The following ZNF555 variants were observed in gnomAD, a reference collection of about 807,000 sequenced individuals.
ZNF555 encodes the protein zinc finger protein 555.
In ZNF555, 10 loss-of-function variants were observed where a neutral mutation model predicts 14.0. The observed-to-expected ratio is 0.72, with a 90% CI of 0.44 to 1.21. ZNF555 has a LOEUF of 1.21. ZNF555 is among the 50% of genes most tolerant of loss of function. The probability of loss-of-function intolerance (pLI) is 0.00; values close to 1 mark genes in which losing one functional copy is unlikely to be tolerated. For missense variants in ZNF555, 747 were observed against 762.0 expected (o/e 0.98, Z 0.23); for synonymous variants, 277 against 262.4 (o/e 1.06, Z -0.54).
In ZNF555 at chr19:2,853,406, T is replaced by A. The variant is rs751145278; in HGVS notation, c.1341T>A (p.Thr447=). 1 of 1,613,976 alleles carries A rather than the reference T, an allele frequency of 6.2e-7. No homozygotes were observed. Among genetic ancestry groups the A allele is most frequent in the African/African-American group, 1.3e-5 (1 of 74,902 alleles). Residue 447 remains threonine (T), a synonymous_variant, in exon 4 of 4, where the codon ACT becomes ACA. Coordinates refer to ENST00000334241, the MANE Select transcript of ZNF555 (RefSeq NM_152791.5). ...ISLRKHMRTH[T]REKPYECKQC... is the part of the protein sequence containing the mutation. Reference sequence around the variant, plus strand: ...TACGAAAACATATGAGAACACATACTAGAGAGAAACCCTATGAATGTAAGC... The same window carrying A: ...TACGAAAACATATGAGAACACATACAAGAGAGAAACCCTATGAATGTAAGC...
rs555073128 is a variant in ZNF555, at chr19:2,853,852, T to C, written c.1787T>C (p.Val596Ala). 6.2e-7 allele frequency: 1 copy of C among 1,614,078 alleles called. No homozygotes were observed. The highest frequency in any genetic ancestry group is 1.3e-5 in the African/African-American group (1 of 75,048). The change falls in exon 4 of 4, where the codon GTA becomes GCA. Residue 596 changes from valine to alanine, a missense_variant. By Grantham distance (64) the Val-to-Ala change is moderately conservative (BLOSUM62 0). Coordinates refer to ENST00000334241, the MANE Select transcript of ZNF555 (RefSeq NM_152791.5). ...HTTEKQYKCN[V>A]GHPPANEFMC... ...ACAGAAAAACAGTATAAGTGTAATG[T>C]AGGACATCCTCCTGCAAATGAATTC... is the stretch of plus-strand genomic sequence containing the variant.
At chr19:2,845,239 G>A (rs1391150900) in intron 1 of ZNF555, among the ~76,000 whole-genome samples, 2 of 152,196 alleles carry the variant, frequency 1.3e-5, no homozygotes, top group East Asian at 1.9e-4. Context: ...GTTTCTGCAT[G>A]AGTTTGCTGA....
intron 1 of ZNF555, among the ~76,000 whole-genome samples, chr19:2,850,212 G>A (rs758617131): frequency 9.2e-5 from 14 of 152,168 alleles, no homozygotes; most frequent in South Asian, 2.1e-4. Flanking sequence ...GTGTAGTGCC[G>A]AATGATGGTG....
chr19:2,850,442 C>T, intron 1 of ZNF555, 145 bp from the exon 2 acceptor site: 1 of 1,127,682 alleles, frequency 8.9e-7, no homozygotes, highest in Non-Finnish European at 1.3e-6. Flanking sequence ...TGAGTGTAGA[C>T]AGGAAGGAAG....
chr19:2,850,853 A>C (rs2087623436), intron 2 of ZNF555, 140 bp downstream of exon 2: 1 of 1,048,636 alleles, frequency 9.5e-7, no homozygotes, highest in Admixed American at 2.7e-5. Context: ...GCTGTCATAG[A>C]GCTAGAATGT....
In ZNF555 at chr19:2,854,083, G is replaced by A. The variant is rs764168931; in HGVS notation, c.*131G>A. The A allele has an allele frequency of 8.1e-5, 92 of 1,140,248 alleles. No homozygotes were observed. The highest frequency in any genetic ancestry group is 2.7e-4 in the South Asian group (17 of 62,610). The allele number at this position is 1,140,248 out of a possible 1,614,324, so 70.6% of individuals were successfully genotyped here. On this transcript the variant is annotated 3_prime_UTR_variant, in exon 4 of 4. Coordinates refer to ENST00000334241, the MANE Select transcript of ZNF555 (RefSeq NM_152791.5). The stretch of plus-strand genomic sequence containing the variant: ...TGAATTTGAACAGGTAGTTTCTTAC[G>A]ATTCAGTAAATAAAACTTTCATCTT...
In ZNF555 at chr19:2,859,259, CAT is replaced by C. The variant is rs2087711173; in HGVS notation, c.*5308_*5309del. On this transcript the variant is annotated 3_prime_UTR_variant, in exon 4 of 4. Coordinates refer to ENST00000334241, the MANE Select transcript of ZNF555 (RefSeq NM_152791.5). ...GCGGGGCGACTCTAGGAAGTGGAGA[CAT>C]CAAGAGTGGTACTGGAAGTGGCGGA... 1 of 152,278 alleles carries C rather than the reference CAT, an allele frequency of 6.6e-6. No individual in the cohort carries two copies. Among genetic ancestry groups the C allele is most frequent in the Non-Finnish European group, 1.5e-5 (1 of 68,100 alleles). 9.4% of individuals were successfully genotyped at this position (152,278 alleles called of 1,614,324 possible).
chr19:2,843,193 G>A (rs1347668215), intron 1 of ZNF555, among the ~76,000 whole-genome samples: 3 of 151,912 alleles, frequency 2.0e-5, no homozygotes, highest in African/African-American at 7.3e-5. Context: ...ATTTTTTTGG[G>A]AGCTCTGTTG....
rs776657571 is a variant in ZNF555, at chr19:2,853,130, T to G, written c.1065T>G (p.Phe355Leu). 6.2e-7 allele frequency: 1 copy of G among 1,613,676 alleles called. No homozygotes were observed. The highest frequency in any genetic ancestry group is 1.1e-5 in the South Asian group (1 of 91,046). Reference sequence around the variant, plus strand: ...AAACCTTCATTTATCTCCAGTCCTTTCGAAGACATGAAAGGATTCACACTG... The same window carrying G: ...AAACCTTCATTTATCTCCAGTCCTTGCGAAGACATGAAAGGATTCACACTG... ...CGKTFIYLQS[F>L]RRHERIHTGE... The change falls in exon 4 of 4, where the codon TTT becomes TTG. Residue 355 changes from phenylalanine (F) to leucine (L), a missense_variant. By Grantham distance (22) the Phe-to-Leu change is conservative. Transcript: ENST00000334241.
rs2087683412 is a variant in ZNF555, at chr19:2,856,360, A to G, written c.*2408A>G. ...GTTGGGATTACAGGCATGCACCACC[A>G]CACCCAGCTAATTTTTTTATTTTTG... On this transcript the variant is annotated 3_prime_UTR_variant, in exon 4 of 4. Transcript: ENST00000334241. 6.6e-6 allele frequency: 1 copy of G among 151,982 alleles called. No individual in the cohort carries two copies. Among genetic ancestry groups the G allele is most frequent in the South Asian group, 2.1e-4 (1 of 4,816 alleles). The allele number at this position is 151,982 out of a possible 1,614,324, so 9.4% of individuals were successfully genotyped here. A position where few individuals can be genotyped will look rare whatever the true frequency, so the allele number is the denominator to read the frequency against.
Position 2,853,888 on chromosome 19 carries a change from C to T in ZNF555, c.1823C>T (p.Ala608Val), listed in dbSNP as rs1213241180. Residue 608 changes from alanine to valine, a missense_variant, in exon 4 of 4, where the codon GCT becomes GTT. Physicochemically the swap from Ala to Val is moderately conservative, Grantham distance 64 (BLOSUM62 0). Coordinates refer to ENST00000334241, the MANE Select transcript of ZNF555 (RefSeq NM_152791.5). ...HPPANEFMCS[A>V]SEKSHQERDL... is the part of the protein sequence containing the mutation. ...CCTGCAAATGAATTCATGTGCAGTG[C>T]TTCAGAAAAGTCACACCAGGAGAGA... 2 of 1,614,002 alleles carry T rather than the reference C, an allele frequency of 1.2e-6. No individual in the cohort carries two copies. Among genetic ancestry groups the T allele is most frequent in the Admixed American group, 3.3e-5 (2 of 60,016 alleles).
Position 2,853,170 on chromosome 19 carries a change from G to C in ZNF555, c.1105G>C (p.Glu369Gln). 1 of 1,613,898 alleles carries C rather than the reference G, an allele frequency of 6.2e-7. No homozygotes were observed. The highest frequency in any genetic ancestry group is 2.2e-5 in the East Asian group (1 of 44,854). The change falls in exon 4 of 4, where the codon GAA (glutamate) becomes CAA (glutamine). Residue 369 changes from glutamate to glutamine, a missense_variant. Coordinates refer to ENST00000334241, the MANE Select transcript of ZNF555 (RefSeq NM_152791.5). Reference protein sequence around the residue: ...ERIHTGEKPYECKQCGKTFIY... With the variant: ...ERIHTGEKPYQCKQCGKTFIY... ...GATTCACACTGGAGAGAAACCCTACGAATGCAAACAGTGTGGGAAGACCTT... is the reference window on the plus strand; with the variant it reads ...GATTCACACTGGAGAGAAACCCTACCAATGCAAACAGTGTGGGAAGACCTT...
chr19:2,850,548 T>C, intron 1 of ZNF555, 39 bp from the exon 2 acceptor site: 1 of 1,605,958 alleles, frequency 6.2e-7, no homozygotes, highest in Non-Finnish European at 8.5e-7. Context: ...GGGCTCTCGG[T>C]CTCAACCATC....
In ZNF555 at chr19:2,857,356, A is replaced by T. The variant is rs2087691821; in HGVS notation, c.*3404A>T. On this transcript the variant is annotated 3_prime_UTR_variant, in exon 4 of 4. Transcript: ENST00000334241. Reference sequence around the variant, plus strand: ...AAGTTTGAAGGCTTAACCTGTGCTTAACCTATATTGGGCATTGTCAAGACT... The same window carrying T: ...AAGTTTGAAGGCTTAACCTGTGCTTTACCTATATTGGGCATTGTCAAGACT... 1 of 152,200 alleles carries T rather than the reference A, an allele frequency of 6.6e-6. No homozygotes were observed. The highest frequency in any genetic ancestry group is 6.5e-5 in the Admixed American group (1 of 15,278). 9.4% of individuals were successfully genotyped at this position (152,200 alleles called of 1,614,324 possible). A position where few individuals can be genotyped will look rare whatever the true frequency, so the allele number is the denominator to read the frequency against.
At chr19:2,846,362 G>A (rs1161232282) in intron 1 of ZNF555, among the ~76,000 whole-genome samples, 4 of 152,282 alleles carry the variant, frequency 2.6e-5, no homozygotes, top group South Asian at 4.1e-4. Context: ...GGAGCGCTTC[G>A]GTCACAGCTC....
chr19:2,846,438 G>A (rs938044317), intron 1 of ZNF555, among the ~76,000 whole-genome samples: 1 of 152,234 alleles, frequency 6.6e-6, no homozygotes, highest in African/African-American at 2.4e-5. Flanking sequence ...TGAGCCACAT[G>A]GACCAGCCAG....
chr19:2,850,113 A>C (rs1377581647), intron 1 of ZNF555, among the ~76,000 whole-genome samples: 1 of 152,214 alleles, frequency 6.6e-6, no homozygotes, highest in Non-Finnish European at 1.5e-5. Context: ...CGCTATGGCT[A>C]CCTGGCCCTT....
At chr19:2,850,852 G>C (rs2087623418) in intron 2 of ZNF555, 139 bp downstream of exon 2, 1 of 1,046,682 alleles carries the variant, frequency 9.6e-7, no homozygotes, top group Non-Finnish European at 1.4e-6. Flanking sequence ...AGCTGTCATA[G>C]AGCTAGAATG....
intron 3 of ZNF555, 76 bp from the exon 4 acceptor site, chr19:2,852,304 T>G (rs902793909): frequency 1.3e-6 from 2 of 1,564,988 alleles, no homozygotes; most frequent in Non-Finnish European, 1.7e-6. Flanking sequence ...TGAAAATGGT[T>G]AAGATGCAGT....
Sources: gnomAD v4.1 joint callset for allele counts (sites outside exome capture counted in the v4.1 genomes callset) on GRCh38, gnomAD v4.1.1 for gene constraint, MANE v1.5 for transcripts, NCBI Gene and HGNC (gene_info 2026-07-23, HGNC 2026-07-21) for gene names.